The following ANKFN1 variants were observed in gnomAD, a reference collection of about 807,000 sequenced individuals.
ANKFN1 encodes the protein ankyrin repeat and fibronectin type III domain containing 1.
In ANKFN1, 74 loss-of-function variants were observed where a neutral mutation model predicts 108.7. The observed-to-expected ratio is 0.68, with a 90% confidence interval of 0.56 to 0.83. The LOEUF is 0.83. Ranked by LOEUF, ANKFN1 falls within the 40% of genes least tolerant of loss-of-function variation. The pLI is 0.00. For synonymous variants in ANKFN1, 547 were observed against 516.2 expected (o/e 1.06, Z -0.81); for missense variants, 1,505 against 1,382.3 (o/e 1.09, Z -1.41).
chr17:56,295,893 G>T (rs2044496531), intron 3 of ANKFN1, among the ~76,000 whole-genome samples: 1 of 152,160 alleles, frequency 6.6e-6, no homozygotes, highest in Non-Finnish European at 1.5e-5. Context: ...CATTCATGAG[G>T]GTGGAGGCCT....
intron 4 of ANKFN1, among the ~76,000 whole-genome samples, chr17:56,053,134 C>A (rs1296038857): frequency 1.3e-5 from 2 of 152,084 alleles, no homozygotes; most frequent in African/African-American, 4.8e-5. Flanking sequence ...GGGCTTTGAG[C>A]ATATATTATT....
intron 1 of ANKFN1, among the ~76,000 whole-genome samples, chr17:56,165,544 T>C (rs190587266): frequency 6.6e-6 from 1 of 152,338 alleles, no homozygotes; most frequent in East Asian, 1.9e-4. Flanking sequence ...ATTTATAAAA[T>C]GTCTACACCA....
chr17:56,374,812 A>T (rs1567954138), intron 8 of ANKFN1, 98 bp downstream of exon 8: 4 of 964,762 alleles, frequency 4.1e-6, no homozygotes, highest in Non-Finnish European at 4.7e-6. Flanking sequence ...TTTCCTACTG[A>T]TAGGAATGTT....
chr17:56,239,112 T>A (rs1917385946), intron 3 of ANKFN1, among the ~76,000 whole-genome samples: 1 of 152,146 alleles, frequency 6.6e-6, no homozygotes, highest in East Asian at 1.9e-4. Context: ...TTCTAAATAA[T>A]TTTTTAGACT....
At chr17:56,217,889 G>T (rs1386103127) in intron 2 of ANKFN1, among the ~76,000 whole-genome samples, 1 of 152,046 alleles carries the variant, frequency 6.6e-6, no homozygotes, top group East Asian at 1.9e-4. Context: ...TAGATTTCTA[G>T]CACTATTATC....
intron 8 of ANKFN1, among the ~76,000 whole-genome samples, chr17:56,409,712 A>C (rs533744649): frequency 1.3e-5 from 2 of 152,312 alleles, no homozygotes; most frequent in South Asian, 4.1e-4. Flanking sequence ...CAGCTACATC[A>C]TGATTATAAT....
chr17:56,346,044 C>G (rs1396211991), intron 4 of ANKFN1, among the ~76,000 whole-genome samples: 3 of 152,190 alleles, frequency 2.0e-5, no homozygotes, highest in South Asian at 2.1e-4. Context: ...AGTTTTTAAT[C>G]CATCTTGAGT....
chr17:56,328,166 A>G (rs1265243870), intron 4 of ANKFN1, among the ~76,000 whole-genome samples: 3 of 152,238 alleles, frequency 2.0e-5, no homozygotes, highest in Admixed American at 2.0e-4. Context: ...GTATTTTGAA[A>G]CAAACATGGA....
At chr17:56,481,624 T>C (rs1401781220) in intron 17 of ANKFN1, among the ~76,000 whole-genome samples, 1 of 152,148 alleles carries the variant, frequency 6.6e-6, no homozygotes, top group Non-Finnish European at 1.5e-5. Context: ...CTCTAACCCA[T>C]GGAGGCAGGG....
In ANKFN1 at chr17:56,498,963, T is replaced by C. The variant is rs954087637; in HGVS notation, c.2509T>C (p.Leu837=). 1 of 1,535,776 alleles carries C rather than the reference T, an allele frequency of 6.5e-7. No individual in the cohort carries two copies. The highest frequency in any genetic ancestry group is 8.7e-7 in the Non-Finnish European group (1 of 1,146,644). Residue 837 remains leucine (L), a synonymous_variant, in exon 20 of 21, where the codon TTG becomes CTG. Transcript: ENST00000682825. ...AAGATACAAACAACCAGTTTCTGGC[T>C]TGCCCATCACTAAGCTGATAGACCC... The part of the protein sequence containing the change: ...YARYKQPVSG[L]PITKLIDPSD...
chr17:56,202,708 G>C (rs1309992474), intron 1 of ANKFN1, among the ~76,000 whole-genome samples: 2 of 152,082 alleles, frequency 1.3e-5, no homozygotes, highest in Non-Finnish European at 2.9e-5. Context: ...GAAGAACATG[G>C]ATTTGTATAG....
At chr17:56,412,233 G>A (rs528858147) in intron 8 of ANKFN1, among the ~76,000 whole-genome samples, 6 of 152,056 alleles carry the variant, frequency 3.9e-5, no homozygotes, top group South Asian at 2.1e-4. Flanking sequence ...CTGGGAATTC[G>A]CCATTTCTTC....
chr17:56,326,714 G>A (rs905431219), intron 4 of ANKFN1, among the ~76,000 whole-genome samples: 1 of 152,188 alleles, frequency 6.6e-6, no homozygotes, highest in Non-Finnish European at 1.5e-5. Context: ...TTCCAGTCAG[G>A]TTCCTGAGTA....
intron 8 of ANKFN1, among the ~76,000 whole-genome samples, chr17:56,410,629 T>G (rs922647446): frequency 6.6e-6 from 1 of 152,186 alleles, no homozygotes; most frequent in Non-Finnish European, 1.5e-5. Flanking sequence ...ATCACTAAAA[T>G]TTTTTCTACC....
At chr17:56,419,114 T>C (rs1204234537) in intron 8 of ANKFN1, among the ~76,000 whole-genome samples, 2 of 152,216 alleles carry the variant, frequency 1.3e-5, no homozygotes, top group African/African-American at 4.8e-5. Flanking sequence ...CTCCAGGCAG[T>C]TGGCCAACCC....
intron 6 of ANKFN1, among the ~76,000 whole-genome samples, chr17:56,359,682 A>T (rs2046463589): frequency 6.6e-6 from 1 of 152,136 alleles, no homozygotes; most frequent in Non-Finnish European, 1.5e-5. Flanking sequence ...TCTTGTCAGG[A>T]TGCACCACTC....
chr17:56,388,271 C>T (rs891720519), intron 8 of ANKFN1, among the ~76,000 whole-genome samples: 4 of 151,938 alleles, frequency 2.6e-5, no homozygotes, highest in Non-Finnish European at 2.9e-5. Context: ...CTCAGCCTCC[C>T]GAGTAGCTGA....
At chr17:56,459,633 C>T (rs917687075) in intron 14 of ANKFN1, among the ~76,000 whole-genome samples, 1 of 152,176 alleles carries the variant, frequency 6.6e-6, no homozygotes, top group Non-Finnish European at 1.5e-5. Flanking sequence ...TACCATACAG[C>T]CCAGACATGC....
At chr17:56,322,889 C>T (rs536701059) in intron 3 of ANKFN1, among the ~76,000 whole-genome samples, 40 of 152,242 alleles carry the variant, frequency 2.6e-4, no homozygotes, top group Admixed American at 9.8e-4. Flanking sequence ...AAAAGATGCC[C>T]TGTTCATCTT....
Sources: gnomAD v4.1 joint callset for allele counts (sites outside exome capture counted in the v4.1 genomes callset) on GRCh38, gnomAD v4.1.1 for gene constraint, MANE v1.5 for transcripts, NCBI Gene and HGNC (gene_info 2026-07-23, HGNC 2026-07-21) for gene names.